Variants in CNTNAP2 observed in about 807,000 individuals in gnomAD.
CNTNAP2 encodes contactin associated protein 2.
CNTNAP2 carries 98 observed loss-of-function variants against 155.2 expected under a neutral mutation model. The observed-to-expected ratio is 0.63, with a 90% CI of 0.54 to 0.75. The LOEUF (loss-of-function observed/expected upper bound fraction) is 0.75, where lower values mean the gene tolerates loss of function less well. Among genes scored for constraint, CNTNAP2 ranks in the 30% least tolerant of loss-of-function variants. CNTNAP2 has a pLI of 0.00. For missense variants in CNTNAP2, 1,727 were observed against 1,688.1 expected, an observed-to-expected ratio of 1.02 and a Z score of -0.40; for synonymous variants, 651 against 631.2, an observed-to-expected ratio of 1.03 and a Z score of -0.47.
intron 3 of CNTNAP2, among the ~76,000 whole-genome samples, chr7:146,872,806 G>A (rs1408780611): frequency 6.6e-6 from 1 of 152,248 alleles, no homozygotes; most frequent in Admixed American, 6.5e-5. Context: ...TCAGAATATT[G>A]TATTTTATAA....
intron 3 of CNTNAP2, among the ~76,000 whole-genome samples, chr7:146,932,162 G>A (rs1390976388): frequency 6.6e-6 from 1 of 152,150 alleles, no homozygotes; most frequent in Non-Finnish European, 1.5e-5. Flanking sequence ...CAATATCCTT[G>A]ATGAACACTG....
intron 13 of CNTNAP2, among the ~76,000 whole-genome samples, chr7:147,868,222 G>A (rs895333895): frequency 8.5e-5 from 13 of 152,180 alleles, no homozygotes; most frequent in Admixed American, 3.9e-4. Context: ...CTGCAGTTCT[G>A]TTGGAGTTTG....
intron 13 of CNTNAP2, among the ~76,000 whole-genome samples, chr7:147,892,000 A>T (rs577627028): frequency 6.6e-6 from 1 of 152,250 alleles, no homozygotes; most frequent in Non-Finnish European, 1.5e-5. Context: ...TACTATTATT[A>T]GAAAAAATCT....
At chr7:148,039,655 C>T (rs1802634105) in intron 15 of CNTNAP2, among the ~76,000 whole-genome samples, 1 of 152,294 alleles carries the variant, frequency 6.6e-6, no homozygotes, top group Middle Eastern at 3.4e-3. Context: ...TTGCTCAGCA[C>T]CTACTGAGAA....
chr7:146,821,320 G>T (rs1194095351), intron 2 of CNTNAP2, among the ~76,000 whole-genome samples: 1 of 152,046 alleles, frequency 6.6e-6, no homozygotes, highest in Non-Finnish European at 1.5e-5. Context: ...TCCTTTCTAT[G>T]CTTAGTGCTT....
intron 1 of CNTNAP2, among the ~76,000 whole-genome samples, chr7:146,624,680 C>A (rs1243430189): frequency 6.6e-6 from 1 of 151,760 alleles, no homozygotes. Flanking sequence ...TCAGTTTGTT[C>A]TTTTTTCAGT....
At chr7:147,518,878 A>G (rs554128291) in intron 11 of CNTNAP2, among the ~76,000 whole-genome samples, 231 of 152,192 alleles carry the variant, frequency 1.5e-3, no homozygotes, top group Non-Finnish European at 2.8e-3. Context: ...TAAAAATACA[A>G]AAATTAGCAG....
chr7:147,796,111 T>G (rs745360258), intron 13 of CNTNAP2, among the ~76,000 whole-genome samples: 11 of 152,296 alleles, frequency 7.2e-5, no homozygotes, highest in Non-Finnish European at 1.0e-4. Context: ...ATACAGACTT[T>G]GAAGTGATTA....
At chr7:147,304,172 T>A (rs36074712) in intron 9 of CNTNAP2, among the ~76,000 whole-genome samples, 5,260 of 152,296 alleles carry the variant, frequency 0.035, 125 homozygotes, top group South Asian at 0.052. Flanking sequence ...CTTTGTAACA[T>A]CCATGATCAG....
chr7:146,287,896 T>C (rs1008434957), intron 1 of CNTNAP2, among the ~76,000 whole-genome samples: 1 of 152,184 alleles, frequency 6.6e-6, no homozygotes, highest in African/African-American at 2.4e-5. Context: ...GCTTTGTAAA[T>C]GTTACATCTG....
chr7:146,687,635 T>G (rs927489741), intron 1 of CNTNAP2, among the ~76,000 whole-genome samples: 7 of 152,194 alleles, frequency 4.6e-5, no homozygotes, highest in African/African-American at 1.7e-4. Context: ...TATGGCTTTT[T>G]AAAGAATCAA....
At chr7:146,941,645 A>C (rs1797059659) in intron 3 of CNTNAP2, among the ~76,000 whole-genome samples, 1 of 151,928 alleles carries the variant, frequency 6.6e-6, no homozygotes, top group Non-Finnish European at 1.5e-5. Flanking sequence ...AACTCATAGA[A>C]CCCTCTTTAT....
chr7:147,788,261 T>A (rs533997948), intron 13 of CNTNAP2, among the ~76,000 whole-genome samples: 1 of 152,208 alleles, frequency 6.6e-6, no homozygotes, highest in Non-Finnish European at 1.5e-5. Flanking sequence ...TCCTAAACTG[T>A]CCTAGTCAAA....
chr7:146,147,663 A>G (rs1482715131), intron 1 of CNTNAP2, among the ~76,000 whole-genome samples: 1 of 151,862 alleles, frequency 6.6e-6, no homozygotes. Flanking sequence ...GTCACTCTAG[A>G]CTCTCAGTGA....
intron 11 of CNTNAP2, among the ~76,000 whole-genome samples, chr7:147,558,862 C>T (rs1019944732): frequency 6.6e-6 from 1 of 152,082 alleles, no homozygotes; most frequent in East Asian, 1.9e-4. Context: ...CCTGCCTTAG[C>T]CTCCTGAATA....
intron 3 of CNTNAP2, among the ~76,000 whole-genome samples, chr7:146,922,633 A>G (rs1221580155): frequency 6.6e-6 from 1 of 152,176 alleles, no homozygotes; most frequent in African/African-American, 2.4e-5. Flanking sequence ...TAAAGTTAGA[A>G]AAACAGGATT....
At chr7:147,348,869 G>C (rs1010354268) in intron 9 of CNTNAP2, among the ~76,000 whole-genome samples, 4 of 151,912 alleles carry the variant, frequency 2.6e-5, no homozygotes, top group Non-Finnish European at 4.4e-5. Flanking sequence ...GGAAGACACT[G>C]TGTAAGTGTC....
intron 1 of CNTNAP2, among the ~76,000 whole-genome samples, chr7:146,607,767 C>T (rs879424894): frequency 6.6e-6 from 1 of 152,024 alleles, no homozygotes; most frequent in Non-Finnish European, 1.5e-5. Flanking sequence ...CATGAGCCAC[C>T]GGGCCTGGCC....
At chr7:148,179,895 T>C (rs1397124440) in intron 18 of CNTNAP2, among the ~76,000 whole-genome samples, 2 of 152,130 alleles carry the variant, frequency 1.3e-5, no homozygotes, top group Non-Finnish European at 2.9e-5. Context: ...ACATTTCTTG[T>C]TGGATGTGAG....
Sources: allele counts gnomAD v4.1 joint callset (sites outside exome capture counted in the v4.1 genomes callset), GRCh38; gene constraint gnomAD v4.1.1; transcripts MANE v1.5; gene names NCBI Gene and HGNC (gene_info 2026-07-23, HGNC 2026-07-21).